Variants in PRKAR1B observed in about 807,000 individuals in gnomAD.
The protein encoded by PRKAR1B is cAMP-dependent protein kinase type I-beta regulatory subunit.
Under a neutral mutation model 46.5 loss-of-function variants are expected in PRKAR1B, and 22 were observed. The observed-to-expected ratio is 0.47, with a 90% CI of 0.34 to 0.68. The LOEUF (loss-of-function observed/expected upper bound fraction) is 0.68. PRKAR1B is among the 30% of genes least tolerant of loss of function. The pLI is 0.01. For missense variants in PRKAR1B, 445 were observed against 535.6 expected, an observed-to-expected ratio of 0.83 and a Z score of 1.67; for synonymous variants, 259 against 217.7, an observed-to-expected ratio of 1.19 and a Z score of -1.67.
At chr7:577,697 G>A (rs1352238593) in intron 9 of PRKAR1B, among the ~76,000 whole-genome samples, 5 of 152,336 alleles carry the variant, frequency 3.3e-5, no homozygotes, top group East Asian at 3.9e-4. Flanking sequence ...GCTTCAGATC[G>A]CCGGGCAGGC....
chr7:649,069 C>T (rs1297640118), intron 4 of PRKAR1B, among the ~76,000 whole-genome samples: 1 of 152,024 alleles, frequency 6.6e-6, no homozygotes, highest in Non-Finnish European at 1.5e-5. Context: ...GAGGCTGAGG[C>T]AGGAGCATCA....
At chr7:570,045 C>T (rs915881754) in intron 9 of PRKAR1B, among the ~76,000 whole-genome samples, 1 of 152,272 alleles carries the variant, frequency 6.6e-6, no homozygotes, top group African/African-American at 2.4e-5. Context: ...AATGGGCCCC[C>T]TTTCAAGATG....
intron 2 of PRKAR1B, among the ~76,000 whole-genome samples, chr7:698,489 T>C (rs749937197): frequency 1.3e-5 from 2 of 151,900 alleles, no homozygotes; most frequent in Non-Finnish European, 2.9e-5. Flanking sequence ...TGTGTTAGTG[T>C]GTGTCTAGGT....
At chr7:563,199 A>G (rs889454837) in intron 9 of PRKAR1B, among the ~76,000 whole-genome samples, 1 of 152,130 alleles carries the variant, frequency 6.6e-6, no homozygotes, top group Non-Finnish European at 1.5e-5. Flanking sequence ...CCCAACCCGG[A>G]GCTGATGCCC....
At position 680,539 on chromosome 7, in the gene PRKAR1B, T is replaced by C. The variant is rs374746951; in HGVS notation, c.348+17A>G. On this transcript the variant is annotated intron_variant, in intron 3 of 10. Transcript: ENST00000537384. Reference sequence around the variant, plus strand: ...CCGAGGCCTGGGGACAGGAACCCCGTGACCCGTGAGCCTCACCTTCCTGAC... The same window carrying C: ...CCGAGGCCTGGGGACAGGAACCCCGCGACCCGTGAGCCTCACCTTCCTGAC... The C allele has an allele frequency of 2.8e-5, 44 of 1,599,990 alleles. No individual in the cohort carries two copies. The highest frequency in any genetic ancestry group is 3.7e-5 in the Non-Finnish European group (43 of 1,176,504).
intron 9 of PRKAR1B, among the ~76,000 whole-genome samples, chr7:563,262 G>T (rs1778919429): frequency 6.6e-6 from 1 of 152,234 alleles, no homozygotes; most frequent in South Asian, 2.1e-4. Flanking sequence ...GCCAGGTCAG[G>T]CTGCAAGTCC....
chr7:633,794 C>T (rs1031249295), intron 4 of PRKAR1B, among the ~76,000 whole-genome samples: 1 of 152,098 alleles, frequency 6.6e-6, no homozygotes, highest in Non-Finnish European at 1.5e-5. Flanking sequence ...AGCGAGGACA[C>T]AGCTCCTGTT....
intron 7 of PRKAR1B, among the ~76,000 whole-genome samples, chr7:591,965 C>A (rs926223495): frequency 6.6e-6 from 1 of 152,228 alleles, no homozygotes; most frequent in Non-Finnish European, 1.5e-5. Flanking sequence ...CTGAAGGCAC[C>A]GCTGTGGAAC....
chr7:578,067 G>A (rs1779959286), intron 9 of PRKAR1B, among the ~76,000 whole-genome samples: 2 of 152,238 alleles, frequency 1.3e-5, no homozygotes, highest in Non-Finnish European at 2.9e-5. Context: ...CATGGCAACG[G>A]TAAACTGACA....
At chr7:725,580 G>A (rs1216853909) in intron 1 of PRKAR1B, among the ~76,000 whole-genome samples, 1 of 152,202 alleles carries the variant, frequency 6.6e-6, no homozygotes, top group Non-Finnish European at 1.5e-5. Flanking sequence ...AACTTTAGGA[G>A]GAACTTAGTT....
intron 9 of PRKAR1B, among the ~76,000 whole-genome samples, chr7:552,849 AG>A (rs745634704): frequency 4.6e-5 from 7 of 152,252 alleles, no homozygotes; most frequent in African/African-American, 1.7e-4. Flanking sequence ...GGGAAAGGGG[AG>A]GGGGGCGCTG....
chr7:583,891 G>GC (rs1024232011), intron 8 of PRKAR1B, among the ~76,000 whole-genome samples: 4 of 152,172 alleles, frequency 2.6e-5, no homozygotes, highest in African/African-American at 9.7e-5. Flanking sequence ...AGCCCAAGGA[G>GC]CCCCCACTGG....
intron 9 of PRKAR1B, among the ~76,000 whole-genome samples, chr7:569,386 C>A (rs958820316): frequency 8.5e-5 from 13 of 152,232 alleles, no homozygotes; most frequent in African/African-American, 2.4e-4. Flanking sequence ...AAACAGTTGT[C>A]CCCTGGAGCC....
intron 9 of PRKAR1B, among the ~76,000 whole-genome samples, chr7:578,485 G>A (rs1046404892): frequency 1.3e-5 from 2 of 152,130 alleles, no homozygotes; most frequent in Admixed American, 6.6e-5. Flanking sequence ...ATTTGAGTGC[G>A]GTTGTTAGAA....
chr7:711,596 C>G, intron 1 of PRKAR1B, 69 bp from the exon 2 acceptor site: 1 of 1,384,462 alleles, frequency 7.2e-7, no homozygotes, highest in Non-Finnish European at 9.9e-7. Context: ...TAAACGCAGG[C>G]GGCGTGAACC....
chr7:627,852 G>A (rs1018326938), intron 4 of PRKAR1B, among the ~76,000 whole-genome samples: 2 of 152,198 alleles, frequency 1.3e-5, no homozygotes, highest in African/African-American at 2.4e-5. Context: ...GGTATTTTCC[G>A]AGTGCCCGCT....
chr7:610,656 T>TC lies in PRKAR1B; in HGVS notation c.441-3205dup, dbSNP rs1440497269. Among the ~76,000 whole-genome samples, 5 of 152,122 alleles carry TC rather than the reference T, an allele frequency of 3.3e-5. No individual in the cohort carries two copies. The South Asian group carries it at 8.3e-4, about 25-fold the overall frequency. ...CGAGGTGAGGTCAGCTCTGTCCATGTCCCCCCCGCACGGCTTCACCCTCTT... is the reference window on the plus strand; with the variant it reads ...CGAGGTGAGGTCAGCTCTGTCCATGTCCCCCCCCGCACGGCTTCACCCTCTT... On this transcript the variant is annotated intron_variant, in intron 4 of 10. Transcript: ENST00000537384.
chr7:613,479 G>A (rs937184839), intron 4 of PRKAR1B, among the ~76,000 whole-genome samples: 2 of 152,172 alleles, frequency 1.3e-5, no homozygotes, highest in African/African-American at 2.4e-5. Flanking sequence ...AGCCCACAAC[G>A]TCTGAGGAAG....
At chr7:578,520 C>T (rs1779988221) in intron 9 of PRKAR1B, among the ~76,000 whole-genome samples, 2 of 152,084 alleles carry the variant, frequency 1.3e-5, no homozygotes, top group Non-Finnish European at 1.5e-5. Context: ...TCCTGCGTAC[C>T]CTGAATGTAT....
Sources: gnomAD v4.1 joint callset for allele counts (sites outside exome capture counted in the v4.1 genomes callset) on GRCh38, gnomAD v4.1.1 for gene constraint, MANE v1.5 for transcripts, NCBI Gene and HGNC (gene_info 2026-07-23, HGNC 2026-07-21) for gene names.